Variants in MLLT3 observed in about 807,000 individuals in gnomAD.
MLLT3 encodes the protein MLLT3 super elongation complex subunit.
MLLT3 carries 4 observed loss-of-function variants against 53.2 expected under a neutral mutation model. That is an observed-to-expected ratio of 0.08 (90% CI 0.04 to 0.17). The LOEUF is 0.17. Ranked by LOEUF, MLLT3 falls within the 10% of genes least tolerant of loss-of-function variation. The pLI is 1.00. For missense variants in MLLT3, 569 were observed against 684.0 expected, an observed-to-expected ratio of 0.83 and a Z score of 1.87; for synonymous variants, 283 against 230.6, an observed-to-expected ratio of 1.23 and a Z score of -2.06.
intron 8 of MLLT3, among the ~76,000 whole-genome samples, chr9:20,356,274 C>T (rs1043244340): frequency 7.2e-5 from 11 of 151,994 alleles, no homozygotes; most frequent in Admixed American, 7.2e-4. Context: ...TGAAGATAAC[C>T]AAATGACTAA....
intron 2 of MLLT3, among the ~76,000 whole-genome samples, chr9:20,578,738 T>C (rs1445318871): frequency 6.6e-6 from 1 of 152,054 alleles, no homozygotes; most frequent in African/African-American, 2.4e-5. Context: ...TTGAACATTA[T>C]ATTGGGAACA....
intron 2 of MLLT3, among the ~76,000 whole-genome samples, chr9:20,471,334 G>A (rs1270929210): frequency 1.3e-5 from 2 of 151,984 alleles, no homozygotes; most frequent in Non-Finnish European, 2.9e-5. Flanking sequence ...AAATTAAGAG[G>A]AATTCGGAGA....
At chr9:20,565,379 C>T (rs556935067) in intron 2 of MLLT3, among the ~76,000 whole-genome samples, 2 of 152,024 alleles carry the variant, frequency 1.3e-5, no homozygotes, top group South Asian at 2.1e-4. Flanking sequence ...TGGTGGGGTG[C>T]GCACACTGCG....
At chr9:20,478,325 G>T (rs1824576457) in intron 2 of MLLT3, among the ~76,000 whole-genome samples, 1 of 152,164 alleles carries the variant, frequency 6.6e-6, no homozygotes, top group South Asian at 2.1e-4. Flanking sequence ...GAGGAGAAGA[G>T]ATGTAAGTTC....
chr9:20,521,659 T>C (rs1449996063), intron 2 of MLLT3, among the ~76,000 whole-genome samples: 1 of 152,140 alleles, frequency 6.6e-6, no homozygotes, highest in Non-Finnish European at 1.5e-5. Flanking sequence ...ATAGATGCTC[T>C]AAGCAGGAAG....
intron 10 of MLLT3, among the ~76,000 whole-genome samples, chr9:20,349,899 G>A (rs894276289): frequency 1.3e-5 from 2 of 152,208 alleles, no homozygotes; most frequent in African/African-American, 4.8e-5. Flanking sequence ...CATCAAGGTA[G>A]ATGCAGAGAA....
chr9:20,599,166 T>C (rs1820351589), intron 2 of MLLT3, among the ~76,000 whole-genome samples: 1 of 152,082 alleles, frequency 6.6e-6, no homozygotes, highest in Admixed American at 6.5e-5. Flanking sequence ...TAGCTGGGCA[T>C]GGTGGCACGC....
At chr9:20,608,873 G>A (rs566381928) in intron 2 of MLLT3, among the ~76,000 whole-genome samples, 27 of 151,942 alleles carry the variant, frequency 1.8e-4, no homozygotes, top group African/African-American at 4.3e-4. Context: ...GATATCCCAC[G>A]TCCCAGAGAT....
At chr9:20,556,675 T>G (rs1411095090) in intron 2 of MLLT3, among the ~76,000 whole-genome samples, 1 of 151,648 alleles carries the variant, frequency 6.6e-6, no homozygotes, top group East Asian at 1.9e-4. Context: ...AGAGCAAAAC[T>G]CCATCTCAAA....
chr9:20,540,165 G>A (rs943875935), intron 2 of MLLT3, among the ~76,000 whole-genome samples: 3 of 152,232 alleles, frequency 2.0e-5, no homozygotes, highest in Non-Finnish European at 1.5e-5. Flanking sequence ...GCTCTGCAAG[G>A]TAGAGCCGCC....
chr9:20,535,435 T>G (rs1400744703), intron 2 of MLLT3, among the ~76,000 whole-genome samples: 1 of 152,050 alleles, frequency 6.6e-6, no homozygotes, highest in African/African-American at 2.4e-5. Flanking sequence ...ACAGGGTCAA[T>G]CAGGTCTACC....
intron 3 of MLLT3, among the ~76,000 whole-genome samples, chr9:20,452,310 A>C (rs1823859781): frequency 6.6e-6 from 1 of 152,096 alleles, no homozygotes; most frequent in Admixed American, 6.5e-5. Context: ...TGTTCTCATG[A>C]TAGTAAGTGA....
intron 4 of MLLT3, among the ~76,000 whole-genome samples, chr9:20,429,832 A>G (rs138014071): frequency 1.3e-5 from 2 of 152,202 alleles, no homozygotes; most frequent in Non-Finnish European, 2.9e-5. Context: ...AGTCCCATGG[A>G]GACAACCTTC....
At chr9:20,486,330 G>A (rs1188888898) in intron 2 of MLLT3, among the ~76,000 whole-genome samples, 1 of 151,868 alleles carries the variant, frequency 6.6e-6, no homozygotes, top group Admixed American at 6.6e-5. Flanking sequence ...AAAACTCAAT[G>A]AACTCAAGAA....
rs375696442 is a variant in MLLT3, at chr9:20,595,836, C to T, written c.193+24818G>A. On this transcript the variant is annotated intron_variant, in intron 2 of 10. Coordinates refer to ENST00000380338, the MANE Select transcript of MLLT3 (RefSeq NM_004529.4). ...ACAAAAGCACATATACTATCTGAAT[C>T]CCACTGTAAAAAGAAGTCCGGGAAA... 1.5e-3 allele frequency among the ~76,000 whole-genome samples: 235 copies of T among 152,294 alleles called. 1 individual carries two copies. The highest frequency in any genetic ancestry group is 5.0e-3 in the South Asian group (24 of 4,824).
intron 2 of MLLT3, among the ~76,000 whole-genome samples, chr9:20,505,033 A>C (rs1825350373): frequency 6.6e-6 from 1 of 152,244 alleles, no homozygotes; most frequent in Admixed American, 6.5e-5. Flanking sequence ...GTCAAAAGAC[A>C]TGAAGTGAAC....
At chr9:20,519,047 T>A (rs951264555) in intron 2 of MLLT3, among the ~76,000 whole-genome samples, 2 of 152,182 alleles carry the variant, frequency 1.3e-5, no homozygotes, top group African/African-American at 2.4e-5. Context: ...TTTTAAATCA[T>A]TAAATAGAAA....
chr9:20,495,330 A>G (rs1563786340), intron 2 of MLLT3, among the ~76,000 whole-genome samples: 1 of 152,180 alleles, frequency 6.6e-6, no homozygotes, highest in Non-Finnish European at 1.5e-5. Flanking sequence ...CGACCTACTG[A>G]ATCACAATTT....
Position 20,346,344 on chromosome 9 carries a change from T to C in MLLT3, c.*99A>G. 4 of 1,252,414 alleles carry C rather than the reference T, an allele frequency of 3.2e-6. No homozygotes were observed. Among genetic ancestry groups the C allele is most frequent in the Non-Finnish European group, 4.3e-6 (4 of 924,424 alleles). 77.6% of individuals were successfully genotyped at this position (1,252,414 alleles called of 1,614,324 possible). A position where few individuals can be genotyped will look rare whatever the true frequency, so the allele number is the denominator to read the frequency against. On this transcript the variant is annotated 3_prime_UTR_variant, in exon 11 of 11. Transcript: ENST00000380338. ...CCTTTTGGTTGCATCATTTTGAGTG[T>C]TTTCATATAAACAACAAGAACAAAA...
Sources: allele counts gnomAD v4.1 joint callset (sites outside exome capture counted in the v4.1 genomes callset), GRCh38; gene constraint gnomAD v4.1.1; transcripts MANE v1.5; gene names NCBI Gene and HGNC (gene_info 2026-07-23, HGNC 2026-07-21).